The following ARHGEF26 variants were observed in gnomAD, a reference collection of about 807,000 sequenced individuals.
ARHGEF26 encodes Rho guanine nucleotide exchange factor (GEF) 26.
A neutral mutation model predicts 89.4 loss-of-function variants in ARHGEF26; 59 were observed. That is an observed-to-expected ratio of 0.66 (90% CI 0.54 to 0.82). ARHGEF26 has a LOEUF of 0.82. Among genes scored for constraint, ARHGEF26 ranks in the 40% least tolerant of loss-of-function variants. The pLI, the probability that ARHGEF26 is intolerant of heterozygous loss-of-function variation, is 0.00. For synonymous variants in ARHGEF26, 500 were observed against 428.4 expected (o/e 1.17, Z -2.06); for missense variants, 1,234 against 1,085.6 (o/e 1.14, Z -1.92).
chr3:154,158,060 A>G (rs1711500896), intron 6 of ARHGEF26, among the ~76,000 whole-genome samples: 1 of 152,100 alleles, frequency 6.6e-6, no homozygotes, highest in African/African-American at 2.4e-5. Flanking sequence ...GGGGGGCTCT[A>G]TTGACATTAG....
chr3:154,123,555 T>C (rs776071418), intron 2 of ARHGEF26, among the ~76,000 whole-genome samples: 4 of 152,212 alleles, frequency 2.6e-5, no homozygotes, highest in Non-Finnish European at 4.4e-5. Flanking sequence ...TACTGAATTT[T>C]GAGTGGTTAC....
At chr3:154,135,124 AT>A (rs931797689) in intron 4 of ARHGEF26, among the ~76,000 whole-genome samples, 3 of 151,914 alleles carry the variant, frequency 2.0e-5, no homozygotes, top group East Asian at 3.9e-4. Context: ...CTCTTCTCCA[AT>A]TTTTTTTGGA....
In ARHGEF26 at chr3:154,166,263, A is replaced by G. The variant is rs533782838; in HGVS notation, c.1487+13331A>G. Among the ~76,000 whole-genome samples the G allele has an allele frequency of 5.1e-4, 78 of 152,002 alleles. No individual in the cohort carries two copies. The East Asian group carries it at 5.6e-3, about 11-fold the overall frequency. On this transcript the variant is annotated intron_variant, in intron 6 of 14. Coordinates refer to ENST00000465093, the MANE Select transcript of ARHGEF26 (RefSeq NM_015595.4). ...GACGGGGTTTCACCATGTTAGCCAG[A>G]ATGGTCTCGATCTCCTGACCTCATG...
chr3:154,140,742 G>A lies in ARHGEF26; in HGVS notation c.1270-8647G>A, dbSNP rs1032032048. ...ATTACAGGCACACGCCACCACGCCCGGCTAATTTTTGTATTTTTAATAGAG... is the reference window on the plus strand; with the variant it reads ...ATTACAGGCACACGCCACCACGCCCAGCTAATTTTTGTATTTTTAATAGAG... On this transcript the variant is annotated intron_variant, in intron 4 of 14. Coordinates refer to ENST00000465093, the MANE Select transcript of ARHGEF26 (RefSeq NM_015595.4). 3.3e-5 allele frequency among the ~76,000 whole-genome samples: 5 copies of A among 151,868 alleles called. No individual in the cohort carries two copies. In the East Asian group the frequency reaches 9.7e-4, roughly 30 times the overall value.
intron 4 of ARHGEF26, among the ~76,000 whole-genome samples, chr3:154,141,434 T>A (rs1441927909): frequency 6.6e-6 from 1 of 152,202 alleles, no homozygotes; most frequent in Non-Finnish European, 1.5e-5. Flanking sequence ...CTTAACTAAC[T>A]CTGCTCCAGT....
rs536062185 is a variant in ARHGEF26, at chr3:154,121,829, G to C, written c.-51-113G>C. ...GCCCGAGAAAGGGCGGGTAAGTGCG[G>C]TGCAGTCGTGTCCTGCGCAGCAGCA... On this transcript the variant is annotated intron_variant, in intron 1 of 14. Transcript: ENST00000465093. 3.8e-5 allele frequency: 37 copies of C among 963,090 alleles called. No homozygotes were observed. The East Asian group carries it at 9.0e-4, about 24-fold the overall frequency. The allele number at this position is 963,090 out of a possible 1,614,324, so 59.7% of individuals were successfully genotyped here.
At chr3:154,171,145 C>T (rs188245417) in intron 6 of ARHGEF26, among the ~76,000 whole-genome samples, 194 of 152,264 alleles carry the variant, frequency 1.3e-3, no homozygotes, top group Non-Finnish European at 2.2e-3. Context: ...GAGATTATAT[C>T]TTTCCCACTG....
intron 6 of ARHGEF26, among the ~76,000 whole-genome samples, chr3:154,157,137 G>C (rs530701788): frequency 9.9e-5 from 15 of 151,744 alleles, no homozygotes; most frequent in Admixed American, 2.6e-4. Flanking sequence ...TGTATCAGTA[G>C]TATGTCTCTG....
chr3:154,162,309 A>G (rs1037673770), intron 6 of ARHGEF26, among the ~76,000 whole-genome samples: 1 of 152,186 alleles, frequency 6.6e-6, no homozygotes, highest in Non-Finnish European at 1.5e-5. Flanking sequence ...ATTTAAGTGG[A>G]AGGGAGATGG....
intron 8 of ARHGEF26, among the ~76,000 whole-genome samples, chr3:154,192,444 G>A (rs933825657): frequency 5.9e-5 from 9 of 152,196 alleles, no homozygotes; most frequent in Admixed American, 2.0e-4. Flanking sequence ...TTTTGGAGAC[G>A]TTTTGTCAGG....
intron 9 of ARHGEF26, among the ~76,000 whole-genome samples, chr3:154,212,692 C>T (rs947383488): frequency 6.6e-6 from 1 of 152,090 alleles, no homozygotes; most frequent in African/African-American, 2.4e-5. Context: ...GAGCACACAG[C>T]CTAGATCCTT....
chr3:154,228,263 G>A (rs1035049755), intron 11 of ARHGEF26, among the ~76,000 whole-genome samples: 4 of 151,340 alleles, frequency 2.6e-5, no homozygotes, highest in African/African-American at 9.7e-5. Context: ...TCAGCCTCCT[G>A]AGTAGCTGGG....
chr3:154,232,621 G>T (rs1264592270), intron 11 of ARHGEF26, among the ~76,000 whole-genome samples: 1 of 151,928 alleles, frequency 6.6e-6, no homozygotes, highest in Non-Finnish European at 1.5e-5. Context: ...GTTCTGTTAA[G>T]AAAATAAAAA....
chr3:154,226,092 T>C, intron 11 of ARHGEF26, 82 bp downstream of exon 11: 1 of 1,207,064 alleles, frequency 8.3e-7, no homozygotes, highest in Non-Finnish European at 1.1e-6. Flanking sequence ...GTGATCATCC[T>C]TTAAAAGCTA....
chr3:154,123,666 T>G (rs868063955), intron 2 of ARHGEF26, among the ~76,000 whole-genome samples: 3 of 152,362 alleles, frequency 2.0e-5, no homozygotes, highest in Middle Eastern at 3.4e-3. Context: ...TGCTTGTTTT[T>G]GTCACCGTGG....
intron 4 of ARHGEF26, among the ~76,000 whole-genome samples, chr3:154,143,745 C>T (rs937654945): frequency 2.6e-5 from 4 of 152,254 alleles, no homozygotes; most frequent in Middle Eastern, 3.4e-3. Context: ...AAATAGTGCA[C>T]GTTTAAAAAT....
chr3:154,156,933 T>TCA (rs1016520179), intron 6 of ARHGEF26, among the ~76,000 whole-genome samples: 24 of 152,132 alleles, frequency 1.6e-4, no homozygotes, highest in African/African-American at 5.8e-4. Flanking sequence ...TAGCTATAGG[T>TCA]GATGACATAT....
chr3:154,187,977 A>G (rs111773011), intron 7 of ARHGEF26, 140 bp downstream of exon 7: 27,737 of 875,056 alleles, frequency 0.032, 552 homozygotes, highest in Non-Finnish European at 0.036. Context: ...AATGTTTAAG[A>G]GCATTACTTT....
At chr3:154,171,618 A>G (rs114444499) in intron 6 of ARHGEF26, among the ~76,000 whole-genome samples, 386 of 152,154 alleles carry the variant, frequency 2.5e-3, no homozygotes, top group African/African-American at 8.6e-3. Flanking sequence ...TGCAGTAGTT[A>G]TTTGTCCCTT....
Sources: gnomAD v4.1 joint callset for allele counts (sites outside exome capture counted in the v4.1 genomes callset) on GRCh38, gnomAD v4.1.1 for gene constraint, MANE v1.5 for transcripts, NCBI Gene and HGNC (gene_info 2026-07-23, HGNC 2026-07-21) for gene names.